GPM6A: variants seen among roughly 807,000 people sequenced by gnomAD.
GPM6A encodes the protein glycoprotein M6A, also known as neuronal membrane glycoprotein M6-a.
In GPM6A, 7 loss-of-function variants were observed where a neutral mutation model predicts 32.1. The observed-to-expected ratio is 0.22, with a 90% confidence interval of 0.12 to 0.41. GPM6A has a LOEUF of 0.41. GPM6A is among the 10% of genes least tolerant of loss of function. GPM6A has a pLI of 1.00. For missense variants in GPM6A, 235 were observed against 347.2 expected (o/e 0.68, Z 2.57); for synonymous variants, 130 against 123.4 (o/e 1.05, Z -0.35).
intron 1 of GPM6A, among the ~76,000 whole-genome samples, chr4:175,705,440 C>A (rs1579406352): frequency 6.6e-6 from 1 of 152,184 alleles, no homozygotes; most frequent in African/African-American, 2.4e-5. Context: ...GCACTTGTAA[C>A]GGGCTAGATC....
intron 3 of GPM6A, among the ~76,000 whole-genome samples, chr4:175,669,887 G>A (rs1037583151): frequency 6.6e-6 from 1 of 152,136 alleles, no homozygotes; most frequent in Non-Finnish European, 1.5e-5. Context: ...AACATCATAT[G>A]AATGTGAAGG....
At chr4:175,846,955 G>T (rs1262555505) in intron 1 of GPM6A, among the ~76,000 whole-genome samples, 1 of 152,070 alleles carries the variant, frequency 6.6e-6, no homozygotes, top group Non-Finnish European at 1.5e-5. Flanking sequence ...AAACAAATAA[G>T]AATTTTGGAA....
chr4:175,729,861 T>C (rs953916977), intron 1 of GPM6A, among the ~76,000 whole-genome samples: 1 of 145,862 alleles, frequency 6.9e-6, no homozygotes, highest in Admixed American at 6.9e-5. Context: ...TATATATGTA[T>C]TTAATGTATT....
chr4:175,954,169 T>C (rs1739908952), intron 1 of GPM6A, among the ~76,000 whole-genome samples: 2 of 152,176 alleles, frequency 1.3e-5, no homozygotes, highest in Middle Eastern at 3.2e-3. Context: ...CTATTTCAAT[T>C]TGAATAAACT....
intron 1 of GPM6A, among the ~76,000 whole-genome samples, chr4:175,770,241 G>T (rs1402966665): frequency 6.6e-6 from 1 of 152,180 alleles, no homozygotes; most frequent in Non-Finnish European, 1.5e-5. Flanking sequence ...GGCCAGGTTG[G>T]TCTCGAACTC....
At chr4:175,931,701 CACACACACAT>C (rs1459635644) in intron 1 of GPM6A, among the ~76,000 whole-genome samples, 33 of 146,552 alleles carry the variant, frequency 2.3e-4, no homozygotes, top group African/African-American at 3.4e-4. Context: ...CACACACACA[CACACACACAT>C]ATATATATAT....
intron 1 of GPM6A, among the ~76,000 whole-genome samples, chr4:175,753,151 T>C (rs1732402995): frequency 6.6e-6 from 1 of 152,184 alleles, no homozygotes; most frequent in African/African-American, 2.4e-5. Context: ...ACATCATTAA[T>C]ATTTGATGTT....
intron 1 of GPM6A, among the ~76,000 whole-genome samples, chr4:175,927,749 G>A (rs150054815): frequency 0.012 from 1,880 of 152,282 alleles, 34 homozygotes; most frequent in African/African-American, 0.042. Flanking sequence ...GCAGAGCGTG[G>A]CGGTGCACGC....
chr4:175,958,440 T>C (rs1199568648), intron 1 of GPM6A, among the ~76,000 whole-genome samples: 1 of 152,200 alleles, frequency 6.6e-6, no homozygotes, highest in Non-Finnish European at 1.5e-5. Flanking sequence ...TTGAAGTGTA[T>C]TTTCAAAGCC....
chr4:175,693,200 T>A (rs921602582), intron 2 of GPM6A, among the ~76,000 whole-genome samples: 162 of 151,250 alleles, frequency 1.1e-3, no homozygotes, highest in Non-Finnish European at 1.7e-3. Flanking sequence ...TCACCTAAGT[T>A]TTTTTCTGAA....
At chr4:175,804,386 T>C (rs1167214543) in intron 1 of GPM6A, among the ~76,000 whole-genome samples, 1 of 152,194 alleles carries the variant, frequency 6.6e-6, no homozygotes, top group African/African-American at 2.4e-5. Flanking sequence ...GGAACTGAAA[T>C]GGAAGACTAC....
intron 1 of GPM6A, among the ~76,000 whole-genome samples, chr4:175,745,805 A>T (rs767018841): frequency 3.3e-5 from 5 of 152,192 alleles, no homozygotes; most frequent in Non-Finnish European, 5.9e-5. Flanking sequence ...AAAAAATGTT[A>T]TCTGAGGCTG....
chr4:175,726,798 C>T (rs1297679766), intron 1 of GPM6A, among the ~76,000 whole-genome samples: 4 of 152,168 alleles, frequency 2.6e-5, no homozygotes, highest in Admixed American at 6.5e-5. Context: ...GAGTTTGAGA[C>T]GAGCCCAGCC....
rs116694162 is a variant in GPM6A at position 175,681,951 on chromosome 4, G to T, written c.231-8115C>A. ...GGTTTGGATTGGGTAGCAGGCAGAG[G>T]TTGAGAGAGTTTGGAGCGCTCAGAA... On this transcript the variant is annotated intron_variant, in intron 2 of 6. Transcript: ENST00000393658. Among the ~76,000 whole-genome samples, 124 of 152,316 alleles carry T rather than the reference G, an allele frequency of 8.1e-4. 1 individual carries two copies. Among genetic ancestry groups the T allele is most frequent in the African/African-American group, 2.8e-3 (115 of 41,568 alleles).
intron 1 of GPM6A, among the ~76,000 whole-genome samples, chr4:175,799,723 G>A (rs979758396): frequency 7.7e-6 from 1 of 130,138 alleles, no homozygotes; most frequent in Admixed American, 8.1e-5. Flanking sequence ...GCCGGACTGC[G>A]GACTGCAGTG....
chr4:175,981,238 T>C (rs1740807590), intron 1 of GPM6A, among the ~76,000 whole-genome samples: 1 of 152,186 alleles, frequency 6.6e-6, no homozygotes, highest in African/African-American at 2.4e-5. Context: ...AGTTTAGTTA[T>C]ATCAGATTTC....
At chr4:175,976,624 A>C (rs1021590095) in intron 1 of GPM6A, among the ~76,000 whole-genome samples, 1 of 152,214 alleles carries the variant, frequency 6.6e-6, no homozygotes, top group Non-Finnish European at 1.5e-5. Flanking sequence ...TACAACAAAG[A>C]GGGCAAAGTG....
intron 1 of GPM6A, among the ~76,000 whole-genome samples, chr4:175,886,184 G>C (rs1316695254): frequency 3.9e-5 from 6 of 152,098 alleles, no homozygotes; most frequent in African/African-American, 1.2e-4. Context: ...ACCAGTAACA[G>C]GGTGAATAAA....
intron 1 of GPM6A, among the ~76,000 whole-genome samples, chr4:175,904,212 C>CATATTT (rs1156712805): frequency 6.6e-6 from 1 of 151,966 alleles, no homozygotes; most frequent in African/African-American, 2.4e-5. Context: ...ATTTACAACC[C>CATATTT]ATATTTATTA....
Sources: gnomAD v4.1 joint callset for allele counts (sites outside exome capture counted in the v4.1 genomes callset) on GRCh38, gnomAD v4.1.1 for gene constraint, MANE v1.5 for transcripts, NCBI Gene and HGNC (gene_info 2026-07-23, HGNC 2026-07-21) for gene names.